The following PADI4 variants were observed in gnomAD, a reference collection of about 807,000 sequenced individuals.
PADI4 encodes the protein peptidyl arginine deiminase 4, also known as protein-arginine deiminase type-4.
Under a neutral mutation model 75.0 loss-of-function variants are expected in PADI4, and 62 were observed. That is an observed-to-expected ratio of 0.83 (90% CI 0.67 to 1.02). The LOEUF (loss-of-function observed/expected upper bound fraction) is 1.02. Among genes scored for constraint, PADI4 ranks in the 50% least tolerant of loss-of-function variants. The probability of loss-of-function intolerance (pLI) is 0.00; values close to 1 mark genes in which losing one functional copy is unlikely to be tolerated. For synonymous variants in PADI4, 361 were observed against 348.1 expected, an observed-to-expected ratio of 1.04 and a Z score of -0.41; for missense variants, 845 against 850.5, an observed-to-expected ratio of 0.99 and a Z score of 0.08.
intron 2 of PADI4, 75 bp from the exon 3 acceptor site, chr1:17,333,868 C>T (rs1313882460): frequency 2.4e-5 from 27 of 1,143,006 alleles, no homozygotes; most frequent in African/African-American, 9.1e-5. Flanking sequence ...TACCCTGAGC[C>T]GGCACATAGG....
intron 1 of PADI4, among the ~76,000 whole-genome samples, chr1:17,313,492 C>T (rs1040840357): frequency 1.5e-5 from 1 of 66,594 alleles, no homozygotes; most frequent in East Asian, 4.8e-4. Flanking sequence ...CAGTGCAAGA[C>T]CTTGTCAAAA....
Position 17,356,650 on chromosome 1 carries a change from CA to C in PADI4, c.1558+192del, listed in dbSNP as rs1010320750. ...CTTGCTGCCCTGTGGGCTCACAGGC[CA>C]GGGGGAAGTGAGTCAAAAGAACAGC... is the stretch of plus-strand genomic sequence containing the variant. On this transcript the variant is annotated intron_variant, in intron 13 of 15. Transcript: ENST00000375448. The surrounding 1 kb of genome is among the most constrained non-coding windows in gnomAD (Gnocchi z 4.1). Among the ~76,000 whole-genome samples, 2 of 152,134 alleles carry C rather than the reference CA, an allele frequency of 1.3e-5. No homozygotes were observed. The highest frequency in any genetic ancestry group is 2.4e-5 in the African/African-American group (1 of 41,438).
intron 8 of PADI4, among the ~76,000 whole-genome samples, chr1:17,345,443 A>C (rs558707228): frequency 1.3e-5 from 2 of 152,268 alleles, no homozygotes; most frequent in Admixed American, 6.5e-5. Flanking sequence ...GTGAGGATAT[A>C]GGATTTGGAG....
At chr1:17,361,281 C>T (rs1025622768) in intron 15 of PADI4, among the ~76,000 whole-genome samples, 1 of 152,232 alleles carries the variant, frequency 6.6e-6, no homozygotes, top group Non-Finnish European at 1.5e-5. Flanking sequence ...AAGTATTGAC[C>T]CCAAGCGTTT....
chr1:17,357,622 T>G (rs550646234), intron 13 of PADI4, among the ~76,000 whole-genome samples: 1 of 152,264 alleles, frequency 6.6e-6, no homozygotes, highest in Admixed American at 6.5e-5. Context: ...GCTGTTCCTG[T>G]AAGTGTGCTA....
At chr1:17,322,634 G>A (rs1253658227) in intron 1 of PADI4, among the ~76,000 whole-genome samples, 1 of 152,130 alleles carries the variant, frequency 6.6e-6, no homozygotes, top group Non-Finnish European at 1.5e-5. Context: ...TATCTTTATA[G>A]TTATTTTATT....
At chr1:17,327,891 T>A (rs548336183) in intron 1 of PADI4, among the ~76,000 whole-genome samples, 28 of 152,326 alleles carry the variant, frequency 1.8e-4, no homozygotes, top group East Asian at 1.3e-3. Flanking sequence ...TTTCTCCCTA[T>A]GTGGCCTTTT....
In PADI4 at chr1:17,335,146, A is replaced by T. The variant is rs4920366; in HGVS notation, c.341-1013A>T. Among the ~76,000 whole-genome samples the T allele has an allele frequency of 4.4e-4, 53 of 121,354 alleles. No individual in the cohort carries two copies. In the East Asian group the frequency reaches 7.7e-3, roughly 18 times the overall value. 79.6% of individuals were successfully genotyped at this position (121,354 alleles called of 152,430 possible). ...TGAGACCCAGTCTCAAAAACTAAAA[A>T]ATATATATATACACACACATATATA... On this transcript the variant is annotated intron_variant, in intron 3 of 15. Coordinates refer to ENST00000375448, the MANE Select transcript of PADI4 (RefSeq NM_012387.3).
intron 8 of PADI4, among the ~76,000 whole-genome samples, chr1:17,343,002 A>C (rs754372878): frequency 4.6e-5 from 7 of 151,910 alleles, no homozygotes; most frequent in Non-Finnish European, 8.8e-5. Context: ...CCTGGCCAAC[A>C]TGGTGAAACC....
chr1:17,322,484 A>AT (rs1444413311), intron 1 of PADI4, among the ~76,000 whole-genome samples: 1 of 33,408 alleles, frequency 3.0e-5, no homozygotes, highest in East Asian at 1.6e-3. Flanking sequence ...GTGAGACTCC[A>AT]TCCCCCCCCA....
At chr1:17,342,923 T>C (rs2100744891) in intron 8 of PADI4, among the ~76,000 whole-genome samples, 1 of 152,182 alleles carries the variant, frequency 6.6e-6, no homozygotes, top group Non-Finnish European at 1.5e-5. Context: ...TGCAGTGAGC[T>C]GAGATTGCGC....
At chr1:17,312,321 G>A (rs1022755173) in intron 1 of PADI4, among the ~76,000 whole-genome samples, 1 of 152,064 alleles carries the variant, frequency 6.6e-6, no homozygotes, top group Non-Finnish European at 1.5e-5. Context: ...TTAGCCGGGC[G>A]TGGTGGCAGA....
chr1:17,311,262 CA>C (rs34742148), intron 1 of PADI4, among the ~76,000 whole-genome samples: 74 of 143,438 alleles, frequency 5.2e-4, no homozygotes, highest in Admixed American at 9.0e-4. Flanking sequence ...GACTCTGTCT[CA>C]AAAAAAAAAA....
At chr1:17,348,958 C>T (rs1419399551) in intron 10 of PADI4, among the ~76,000 whole-genome samples, 3 of 152,192 alleles carry the variant, frequency 2.0e-5, no homozygotes, top group Non-Finnish European at 2.9e-5. Context: ...AGCATCTGTA[C>T]TGTGCCCCAA....
At chr1:17,345,998 A>G (rs373165514) in intron 8 of PADI4, 30 bp from the exon 9 acceptor site, 2 of 1,397,544 alleles carry the variant, frequency 1.4e-6, no homozygotes, top group African/African-American at 1.4e-5. Flanking sequence ...ATTCCAGAGC[A>G]CTAAGGAGCT....
rs1273494098 is a variant in PADI4, at chr1:17,354,548, T to C, written c.1171T>C (p.Tyr391His). The C allele has an allele frequency of 6.2e-7, 1 of 1,613,984 alleles. No homozygotes were observed. The highest frequency in any genetic ancestry group is 8.5e-7 in the Non-Finnish European group (1 of 1,179,982). The change falls in exon 11 of 16, where the codon TAT becomes CAT. Residue 391 changes from tyrosine (Y) to histidine (H), a missense_variant. Physicochemically the swap from Tyr to His is moderately conservative, Grantham distance 83. Transcript: ENST00000375448. ...CCTATCTCAGGGTCCAGATTTTGGC[T>C]ATGTAACTCGAGGGCCCCAAACAGG... ...IKRVMGPDFGYVTRGPQTGGI... is the reference protein window; with the variant it reads ...IKRVMGPDFGHVTRGPQTGGI...
At position 17,339,828 on chromosome 1, in the gene PADI4, T is replaced by A. The variant is rs542820960; in HGVS notation, c.652+15T>A. On this transcript the variant is annotated intron_variant, in intron 6 of 15. Coordinates refer to ENST00000375448, the MANE Select transcript of PADI4 (RefSeq NM_012387.3). Reference sequence around the variant, plus strand: ...TCAGGCCACACGTAAGTCATCCCCATCTTTGTTCCCCTCCTGCCCTGGCCA... The same window carrying A: ...TCAGGCCACACGTAAGTCATCCCCAACTTTGTTCCCCTCCTGCCCTGGCCA... The A allele has an allele frequency of 2.5e-6, 4 of 1,590,218 alleles. No individual in the cohort carries two copies. Among genetic ancestry groups the A allele is most frequent in the Middle Eastern group, 1.7e-4 (1 of 6,022 alleles).
At chr1:17,343,734 G>T (rs974772687) in intron 8 of PADI4, among the ~76,000 whole-genome samples, 2 of 152,140 alleles carry the variant, frequency 1.3e-5, no homozygotes, top group African/African-American at 4.8e-5. Context: ...TTCCACTTTT[G>T]CATCTTGCTC....
chr1:17,363,854 G>A lies in PADI4; in HGVS notation c.*99G>A. On this transcript the variant is annotated 3_prime_UTR_variant, in exon 16 of 16. Transcript: ENST00000375448. ...TCTTGTGAATATTGTGGCTCCCTGG[G>A]GGCGGCCAGCCCTCCCAGCAGTGGC... The A allele has an allele frequency of 1.2e-6, 1 of 802,776 alleles. No individual in the cohort carries two copies. The highest frequency in any genetic ancestry group is 2.0e-6 in the Non-Finnish European group (1 of 491,062). 49.7% of individuals were successfully genotyped at this position (802,776 alleles called of 1,614,324 possible).
Sources: gnomAD v4.1 joint callset for allele counts (sites outside exome capture counted in the v4.1 genomes callset) on GRCh38, gnomAD v4.1.1 for gene constraint, Gnocchi (gnomAD v3.1) non-coding constraint, MANE v1.5 for transcripts, NCBI Gene and HGNC (gene_info 2026-07-23, HGNC 2026-07-21) for gene names.